KCNMB4: variants seen among roughly 807,000 people sequenced by gnomAD.
KCNMB4 encodes the protein potassium calcium-activated channel subfamily M regulatory beta subunit 4.
A neutral mutation model predicts 20.7 loss-of-function variants in KCNMB4; 3 were observed. The ratio of observed to expected loss-of-function variants is 0.14; its 90% confidence interval spans 0.07 to 0.37. The LOEUF is 0.37. KCNMB4 is among the 10% of genes least tolerant of loss of function. KCNMB4 has a pLI of 1.00. For synonymous variants in KCNMB4, 110 were observed against 113.4 expected (o/e 0.97, Z 0.19); for missense variants, 168 against 265.9 (o/e 0.63, Z 2.56).
intron 2 of KCNMB4, chr12:70,422,720 C>G: frequency 7.8e-7 from 1 of 1,289,020 alleles, no homozygotes; most frequent in South Asian, 1.2e-5. Context: ...TTGATGATTA[C>G]CCCTCTTTAT....
At chr12:70,415,911 A>G (rs144378204) in intron 2 of KCNMB4, among the ~76,000 whole-genome samples, 1 of 152,194 alleles carries the variant, frequency 6.6e-6, no homozygotes, top group Non-Finnish European at 1.5e-5. Context: ...GAGAGCCAAC[A>G]CACAAATATG....
chr12:70,395,101 T>C (rs1868339591), intron 1 of KCNMB4, among the ~76,000 whole-genome samples: 1 of 138,856 alleles, frequency 7.2e-6, no homozygotes, highest in Non-Finnish European at 1.5e-5. Context: ...GTTCAGAAAA[T>C]GAGGGATTAT....
chr12:70,384,101 A>C (rs1883844141), intron 1 of KCNMB4, among the ~76,000 whole-genome samples: 1 of 152,180 alleles, frequency 6.6e-6, no homozygotes, highest in Admixed American at 6.5e-5. Context: ...CATTGAATTT[A>C]GGGCCTACTC....
At chr12:70,371,591 G>A (rs1883596666) in intron 1 of KCNMB4, among the ~76,000 whole-genome samples, 1 of 152,158 alleles carries the variant, frequency 6.6e-6, no homozygotes, top group Admixed American at 6.5e-5. Flanking sequence ...TTGAAAAAGT[G>A]GCATTTCTTG....
rs1593327172 is a variant in KCNMB4 at position 70,385,186 on chromosome 12, A to G, written c.337-15023A>G. Among the ~76,000 whole-genome samples the G allele has an allele frequency of 3.9e-5, 6 of 152,214 alleles. 1 individual carries two copies. Among genetic ancestry groups the G allele is most frequent in the Admixed American group, 3.9e-4 (6 of 15,296 alleles). On this transcript the variant is annotated intron_variant, in intron 1 of 2. Coordinates refer to ENST00000258111, the MANE Select transcript of KCNMB4 (RefSeq NM_014505.6). ...AACTTCAGAATTGTTAGTTCAACAA[A>G]TGTTTATTGGGTATCTGCCATGTTA...
At chr12:70,374,922 T>C (rs1883659564) in intron 1 of KCNMB4, among the ~76,000 whole-genome samples, 3 of 152,212 alleles carry the variant, frequency 2.0e-5, no homozygotes, top group African/African-American at 7.2e-5. Context: ...CATTTTGTTC[T>C]TTGTAATAAA....
intron 1 of KCNMB4, among the ~76,000 whole-genome samples, chr12:70,381,676 C>T (rs1883788789): frequency 6.6e-6 from 1 of 152,134 alleles, no homozygotes; most frequent in African/African-American, 2.4e-5. Context: ...GGAAGGAAAT[C>T]TATAGAGACT....
intron 2 of KCNMB4, among the ~76,000 whole-genome samples, chr12:70,403,618 G>T (rs1189170228): frequency 6.6e-6 from 1 of 152,166 alleles, no homozygotes; most frequent in Non-Finnish European, 1.5e-5. Flanking sequence ...GAGCCTCTGT[G>T]CCCAGCTAGA....
intron 2 of KCNMB4, among the ~76,000 whole-genome samples, chr12:70,400,650 C>T (rs1387625400): frequency 1.3e-5 from 2 of 152,140 alleles, no homozygotes; most frequent in Non-Finnish European, 2.9e-5. Flanking sequence ...TAGACTGCAT[C>T]GAATCTTACC....
At chr12:70,428,231 C>G (rs1359177073) in intron 2 of KCNMB4, among the ~76,000 whole-genome samples, 3 of 152,148 alleles carry the variant, frequency 2.0e-5, no homozygotes, top group Admixed American at 2.0e-4. Context: ...TCATCTCAAG[C>G]ATCCTGCCCG....
chr12:70,387,190 A>C (rs748264569), intron 1 of KCNMB4, among the ~76,000 whole-genome samples: 15 of 151,926 alleles, frequency 9.9e-5, no homozygotes, highest in Non-Finnish European at 1.5e-4. Context: ...AAGTAATAAA[A>C]ATGTATCATT....
At chr12:70,417,827 G>A (rs1181262146) in intron 2 of KCNMB4, among the ~76,000 whole-genome samples, 1 of 151,834 alleles carries the variant, frequency 6.6e-6, no homozygotes, top group Non-Finnish European at 1.5e-5. Context: ...AGCTTAGCAG[G>A]GTGTGATGCT....
At chr12:70,415,815 G>C (rs992055988) in intron 2 of KCNMB4, among the ~76,000 whole-genome samples, 3 of 152,126 alleles carry the variant, frequency 2.0e-5, no homozygotes, top group Non-Finnish European at 4.4e-5. Context: ...TGAGCACCTA[G>C]AGCACATGCC....
chr12:70,372,873 G>A (rs142987582), intron 1 of KCNMB4, among the ~76,000 whole-genome samples: 1 of 152,306 alleles, frequency 6.6e-6, no homozygotes, highest in Non-Finnish European at 1.5e-5. Flanking sequence ...GGAGAAAGAA[G>A]CATTTGCTAT....
intron 1 of KCNMB4, among the ~76,000 whole-genome samples, chr12:70,384,873 C>CA (rs57306622): frequency 0.18 from 13,004 of 73,958 alleles, 1,623 homozygotes; most frequent in African/African-American, 0.38. Flanking sequence ...GACCCTGTCT[C>CA]AAAAAAAAAA....
chr12:70,431,716 A>G lies in KCNMB4; in HGVS notation c.*1063A>G, dbSNP rs978186717. The G allele has an allele frequency of 9.8e-5, 15 of 152,300 alleles. No individual in the cohort carries two copies. The highest frequency in any genetic ancestry group is 3.6e-4 in the African/African-American group (15 of 41,558). 9.4% of individuals were successfully genotyped at this position (152,300 alleles called of 1,614,324 possible). On this transcript the variant is annotated 3_prime_UTR_variant, in exon 3 of 3. Coordinates refer to ENST00000258111, the MANE Select transcript of KCNMB4 (RefSeq NM_014505.6). Reference sequence around the variant, plus strand: ...CCTTTATCAAAAGTTGATTGAGAAGACCATATTTCTTTGTATCTTTTTATA... The same window carrying G: ...CCTTTATCAAAAGTTGATTGAGAAGGCCATATTTCTTTGTATCTTTTTATA...
At chr12:70,397,181 G>A (rs1868361415) in intron 1 of KCNMB4, among the ~76,000 whole-genome samples, 1 of 152,060 alleles carries the variant, frequency 6.6e-6, no homozygotes, top group African/African-American at 2.4e-5. Context: ...AAAGGAGACA[G>A]ACACCTTCTC....
At chr12:70,428,500 C>A (rs958022073) in intron 2 of KCNMB4, among the ~76,000 whole-genome samples, 1 of 152,164 alleles carries the variant, frequency 6.6e-6, no homozygotes, top group Non-Finnish European at 1.5e-5. Flanking sequence ...AGGTTTTTGA[C>A]AGCTATGAGC....
chr12:70,368,798 C>A (rs1263229895), intron 1 of KCNMB4, among the ~76,000 whole-genome samples: 1 of 152,032 alleles, frequency 6.6e-6, no homozygotes, highest in Admixed American at 6.6e-5. Flanking sequence ...TGGCTAATAT[C>A]TAATCAAGAC....
Sources: gnomAD v4.1 joint callset for allele counts (sites outside exome capture counted in the v4.1 genomes callset) on GRCh38, gnomAD v4.1.1 for gene constraint, MANE v1.5 for transcripts, NCBI Gene and HGNC (gene_info 2026-07-23, HGNC 2026-07-21) for gene names.